ZNF573: variants seen among roughly 807,000 people sequenced by gnomAD.
ZNF573 encodes the protein zinc finger protein 573.
ZNF573 carries 41 observed loss-of-function variants against 57.4 expected under a neutral mutation model. The observed-to-expected ratio is 0.71, with a 90% confidence interval of 0.56 to 0.93. The LOEUF is 0.93. Ranked by LOEUF, ZNF573 falls within the 40% of genes least tolerant of loss-of-function variation. The pLI is 0.00. For synonymous variants in ZNF573, 249 were observed against 261.0 expected (o/e 0.95, Z 0.44); for missense variants, 730 against 794.8 (o/e 0.92, Z 0.98).
chr19:37,770,071 C>T lies in ZNF573; in HGVS notation c.229G>A (p.Val77Met). 6.4e-7 allele frequency: 1 copy of T among 1,551,518 alleles called. No homozygotes were observed. The highest frequency in any genetic ancestry group is 1.4e-5 in the African/African-American group (1 of 73,126). ...TTTCCTCGCTCCAGTAAATCAACCA[C>T]AACTGGTTTAGAAATGGAATGTCCT... ...LGGHSISKPV[V>M]VDLLERGKEP... The change falls in exon 4 of 5, where the codon GTG (valine) becomes ATG (methionine). Residue 77 changes from valine (V) to methionine (M), a missense_variant. Physicochemically the swap from Val to Met is conservative, Grantham distance 21. Coordinates refer to ENST00000536220, the MANE Select transcript of ZNF573 (RefSeq NM_001172690.2).
intron 3 of ZNF573, among the ~76,000 whole-genome samples, chr19:37,770,832 T>TATATATATATA (rs2045649724): frequency 4.3e-5 from 4 of 93,736 alleles, no homozygotes; most frequent in Admixed American, 1.2e-4. Flanking sequence ...TTAAGTTATT[T>TATATATATATA]TATATATATA....
Position 37,739,659 on chromosome 19 carries a change from C to T in ZNF573, c.831G>A (p.Lys277=). 6.2e-7 allele frequency: 1 copy of T among 1,613,986 alleles called. No individual in the cohort carries two copies. The highest frequency in any genetic ancestry group is 8.5e-7 in the Non-Finnish European group (1 of 1,179,986). Reference sequence around the variant, plus strand: ...GCCTACTAAAAGTCTTCCCACATTCCTTACATTTATATGGTTTTTCGCCAG... The same window carrying T: ...GCCTACTAAAAGTCTTCCCACATTCTTTACATTTATATGGTTTTTCGCCAG... ...VHTGEKPYKC[K]ECGKTFSRRS... Residue 277 remains lysine, a synonymous_variant, in exon 5 of 5, where the codon AAG becomes AAA. Transcript: ENST00000536220.
chr19:37,758,893 A>G, intron 4 of ZNF573, among the ~76,000 whole-genome samples: 1 of 152,204 alleles, frequency 6.6e-6, no homozygotes, highest in South Asian at 2.1e-4. Context: ...CCAACTCAAA[A>G]TAATACAAAG....
chr19:37,749,073 A>C (rs1223810208), intron 4 of ZNF573, among the ~76,000 whole-genome samples: 1 of 152,072 alleles, frequency 6.6e-6, no homozygotes, highest in Non-Finnish European at 1.5e-5. Flanking sequence ...CTACATTACT[A>C]TTATAATAAT....
rs376659072 is a variant in ZNF573 at position 37,738,812 on chromosome 19, C to T, written c.1678G>A (p.Gly560Arg). The T allele has an allele frequency of 3.3e-5, 53 of 1,613,784 alleles. No homozygotes were observed. Among genetic ancestry groups the T allele is most frequent in the Non-Finnish European group, 4.4e-5 (52 of 1,179,996 alleles). ...TGTGAACTACGTCTAAAGGTCTTCCCACATTCCTTACATTCAAAAGGTTTC... is the reference window on the plus strand; with the variant it reads ...TGTGAACTACGTCTAAAGGTCTTCCTACATTCCTTACATTCAAAAGGTTTC... ...DEKPFECKEC[G>R]KTFRRSSHLT... is the part of the protein sequence containing the mutation. The change falls in exon 5 of 5, where the codon GGG becomes AGG. Residue 560 changes from glycine (G) to arginine (R), a missense_variant. Transcript: ENST00000536220.
intron 4 of ZNF573, among the ~76,000 whole-genome samples, chr19:37,755,752 C>T (rs2045481476): frequency 6.7e-6 from 1 of 148,174 alleles, no homozygotes; most frequent in African/African-American, 2.5e-5. Context: ...ATTGATGCAA[C>T]AGAAGAGGCA....
chr19:37,746,590 T>G (rs2045384851), intron 4 of ZNF573, among the ~76,000 whole-genome samples: 1 of 152,152 alleles, frequency 6.6e-6, no homozygotes, highest in Non-Finnish European at 1.5e-5. Context: ...AGACCTTGTT[T>G]TTTTTTTGGG....
At position 37,739,463 on chromosome 19, in the gene ZNF573, A is replaced by G; in HGVS notation, c.1027T>C (p.Ser343Pro). 1 of 1,614,116 alleles carries G rather than the reference A, an allele frequency of 6.2e-7. No individual in the cohort carries two copies. Residue 343 changes from serine (S) to proline (P), a missense_variant, in exon 5 of 5, where the codon TCA (serine) becomes CCA (proline). By Grantham distance (74) the Ser-to-Pro change is moderately conservative (BLOSUM62 -1). Transcript: ENST00000536220. ...KECGKGYTTA[S>P]YFLLHQRIHK... is the part of the protein sequence containing the mutation. Reference sequence around the variant, plus strand: ...ATTCTCTGATGTAGAAGAAAGTATGAGGCAGTGGTATAGCCCTTCCCACAT... The same window carrying G: ...ATTCTCTGATGTAGAAGAAAGTATGGGGCAGTGGTATAGCCCTTCCCACAT...
rs372649820 is a variant in ZNF573, at chr19:37,744,284, T to C, written c.296-4090A>G. Among the ~76,000 whole-genome samples, 44 of 152,052 alleles carry C rather than the reference T, an allele frequency of 2.9e-4. No individual in the cohort carries two copies. The South Asian group carries it at 8.3e-3, about 29-fold the overall frequency. ...AAAGGAGGCTGGCTTGGAGTTTGCA[T>C]GGTGGTTAGGGTGTGGTGCTGGGCT... On this transcript the variant is annotated intron_variant, in intron 4 of 4. Coordinates refer to ENST00000536220, the MANE Select transcript of ZNF573 (RefSeq NM_001172690.2).
In ZNF573 at chr19:37,739,450, A is replaced by G. The variant is rs1282212964; in HGVS notation, c.1040T>C (p.Leu347Pro). 1 of 1,613,992 alleles carries G rather than the reference A, an allele frequency of 6.2e-7. No individual in the cohort carries two copies. Among genetic ancestry groups the G allele is most frequent in the Non-Finnish European group, 8.5e-7 (1 of 1,179,978 alleles). The change falls in exon 5 of 5, where the codon CTA becomes CCA. Residue 347 changes from leucine (L) to proline (P), a missense_variant. By Grantham distance (98) the Leu-to-Pro change is moderately conservative (BLOSUM62 -3). Coordinates refer to ENST00000536220, the MANE Select transcript of ZNF573 (RefSeq NM_001172690.2). The part of the protein sequence containing the change: ...KGYTTASYFL[L>P]HQRIHKGGKP... Reference sequence around the variant, plus strand: ...TCCACCTTTATGAATTCTCTGATGTAGAAGAAAGTATGAGGCAGTGGTATA... The same window carrying G: ...TCCACCTTTATGAATTCTCTGATGTGGAAGAAAGTATGAGGCAGTGGTATA...
intron 2 of ZNF573, among the ~76,000 whole-genome samples, chr19:37,772,353 A>C (rs1052965763): frequency 6.6e-6 from 1 of 151,476 alleles, no homozygotes; most frequent in African/African-American, 2.4e-5. Flanking sequence ...GGCTGGTTTC[A>C]AACTCCTGGG....
intron 4 of ZNF573, among the ~76,000 whole-genome samples, chr19:37,750,164 C>T (rs2045419866): frequency 6.6e-6 from 1 of 151,466 alleles, no homozygotes. Flanking sequence ...CTCACCACAA[C>T]CTCCGCCTCC....
intron 4 of ZNF573, 52 bp from the exon 5 acceptor site, chr19:37,740,246 A>C: frequency 2.1e-6 from 3 of 1,462,216 alleles, no homozygotes; most frequent in Non-Finnish European, 2.7e-6. Flanking sequence ...ACCAGAGAAC[A>C]AGAAACTTTA....
In ZNF573 at chr19:37,739,393, G is replaced by T. The variant is rs1260212212; in HGVS notation, c.1097C>A (p.Thr366Asn). 2 of 1,613,754 alleles carry T rather than the reference G, an allele frequency of 1.2e-6. No homozygotes were observed. The highest frequency in any genetic ancestry group is 1.7e-5 in the Admixed American group (1 of 59,972). ...AGTAAGATTTCTATACAAAGTAAAG[G>T]TTTTCTTACACTCCTTACATTCATA... is the stretch of plus-strand genomic sequence containing the variant. ...KPYECKECKK[T>N]FTLYRNLTRH... The change falls in exon 5 of 5, where the codon ACC (threonine) becomes AAC (asparagine). Residue 366 changes from threonine to asparagine, a missense_variant. Thr to Asn is a moderately conservative substitution (Grantham distance 65). Coordinates refer to ENST00000536220, the MANE Select transcript of ZNF573 (RefSeq NM_001172690.2).
intron 1 of ZNF573, among the ~76,000 whole-genome samples, chr19:37,774,622 G>A (rs750812156): frequency 2.6e-5 from 4 of 152,106 alleles, no homozygotes; most frequent in Non-Finnish European, 5.9e-5. Flanking sequence ...GTAGGGAAAC[G>A]TATTTAATAA....
intron 4 of ZNF573, among the ~76,000 whole-genome samples, chr19:37,763,226 C>A (rs981011785): frequency 6.7e-6 from 1 of 148,546 alleles, no homozygotes; most frequent in African/African-American, 2.5e-5. Flanking sequence ...GTGCTGAGCA[C>A]CAAATACCCA....
intron 4 of ZNF573, among the ~76,000 whole-genome samples, chr19:37,763,675 G>A: frequency 6.6e-6 from 1 of 152,114 alleles, no homozygotes; most frequent in Admixed American, 6.6e-5. Flanking sequence ...CTAAAAATTG[G>A]GAGGAGACTG....
chr19:37,773,457 A>T (rs546510938), intron 2 of ZNF573, among the ~76,000 whole-genome samples: 1 of 152,238 alleles, frequency 6.6e-6, no homozygotes, highest in Non-Finnish European at 1.5e-5. Context: ...AGTACTAAAT[A>T]CATTTGACAA....
intron 1 of ZNF573, among the ~76,000 whole-genome samples, chr19:37,773,966 C>A (rs1340628121): frequency 6.6e-6 from 1 of 151,970 alleles, no homozygotes; most frequent in Non-Finnish European, 1.5e-5. Context: ...AAAGCCAGAT[C>A]CAGACAAGAT....
Sources: allele counts gnomAD v4.1 joint callset (sites outside exome capture counted in the v4.1 genomes callset), GRCh38; gene constraint gnomAD v4.1.1; transcripts MANE v1.5; gene names NCBI Gene and HGNC (gene_info 2026-07-23, HGNC 2026-07-21).